The following BCAS3 variants were observed in gnomAD, a reference collection of about 807,000 sequenced individuals.
BCAS3 encodes the protein BCAS4/BCAS3 fusion.
BCAS3 carries 53 observed loss-of-function variants against 116.1 expected under a neutral mutation model. That is an observed-to-expected ratio of 0.46 (90% CI 0.37 to 0.57). The LOEUF is 0.57. BCAS3 is among the 20% of genes least tolerant of loss of function. BCAS3 has a pLI of 0.00. For synonymous variants in BCAS3, 391 were observed against 408.2 expected (o/e 0.96, Z 0.51); for missense variants, 917 against 1,165.4 (o/e 0.79, Z 3.10).
intron 16 of BCAS3, among the ~76,000 whole-genome samples, chr17:61,031,711 G>A (rs1361176838): frequency 7.2e-5 from 11 of 152,050 alleles, no homozygotes; most frequent in Admixed American, 7.2e-4. Flanking sequence ...ACTATGTTAT[G>A]TAGCAGATAG....
rs1270085909 is a variant in BCAS3, at chr17:61,007,089, T to G, written c.1487-8662T>G. Among the ~76,000 whole-genome samples the G allele has an allele frequency of 6.6e-6, 1 of 152,020 alleles. No homozygotes were observed. The highest frequency in any genetic ancestry group is 2.4e-5 in the African/African-American group (1 of 41,416). On this transcript the variant is annotated intron_variant, in intron 15 of 23. Coordinates refer to ENST00000407086, the MANE Select transcript of BCAS3 (RefSeq NM_017679.5). The surrounding 1 kb of genome is among the most constrained non-coding windows in gnomAD (Gnocchi z 4.3). ...AGATTTTGTTCATTTAACTTACAAG[T>G]TTGGGTTGACTCTGTGATTGAAACT...
At position 61,343,495 on chromosome 17, in the gene BCAS3, C is replaced by T. The variant is rs937245300; in HGVS notation, c.2426-24832C>T. Among the ~76,000 whole-genome samples, 6 of 152,212 alleles carry T rather than the reference C, an allele frequency of 3.9e-5. No individual in the cohort carries two copies. The highest frequency in any genetic ancestry group is 1.5e-5 in the Non-Finnish European group (1 of 68,036). On this transcript the variant is annotated intron_variant, in intron 22 of 23. Coordinates refer to ENST00000407086, the MANE Select transcript of BCAS3 (RefSeq NM_017679.5). This position sits in a 1 kb window ranked among gnomAD's most constrained non-coding sequence, Gnocchi z 5.5. ...CAGATGCCCAGGCCCCAAACTTTTG[C>T]CCCAGAAGTTCTGACTCTAGTCTGG... is the stretch of plus-strand genomic sequence containing the variant.
rs1397147544 is a variant in BCAS3, at chr17:61,315,068, AG to A, written c.2426-53255del. Among the ~76,000 whole-genome samples, 2 of 152,080 alleles carry A rather than the reference AG, an allele frequency of 1.3e-5. No individual in the cohort carries two copies. The highest frequency in any genetic ancestry group is 6.6e-5 in the Admixed American group (1 of 15,266). On this transcript the variant is annotated intron_variant, in intron 22 of 23. Transcript: ENST00000407086. This position sits in a 1 kb window ranked among gnomAD's most constrained non-coding sequence, Gnocchi z 5.3. ...CCTTGAATCCTCTCCCCAGCATTCC[AG>A]GGGCAGTCTCCTCCACACGCCACAC... is the stretch of plus-strand genomic sequence containing the variant.
chr17:61,069,834 T>TAAAA (rs746344496), intron 19 of BCAS3: 67 of 606,914 alleles, frequency 1.1e-4, no homozygotes, highest in African/African-American at 7.2e-4. Flanking sequence ...AGACCCTGTG[T>TAAAA]AAAAAAAAAA....
rs1014154058 is a variant in BCAS3 at position 61,258,535 on chromosome 17, C to T, written c.2426-109792C>T. Among the ~76,000 whole-genome samples, 5 of 152,318 alleles carry T rather than the reference C, an allele frequency of 3.3e-5. No homozygotes were observed. Among genetic ancestry groups the T allele is most frequent in the South Asian group, 2.1e-4 (1 of 4,824 alleles). On this transcript the variant is annotated intron_variant, in intron 22 of 23. Coordinates refer to ENST00000407086, the MANE Select transcript of BCAS3 (RefSeq NM_017679.5). The surrounding 1 kb of genome is among the most constrained non-coding windows in gnomAD (Gnocchi z 4.7). The stretch of plus-strand genomic sequence containing the variant: ...AATAATCATACCTACTTCATGGTAT[C>T]GTTGTGTGGATTAAATGAAATTGCA...
chr17:61,121,412 G>T (rs1305189020), intron 22 of BCAS3, among the ~76,000 whole-genome samples: 1 of 152,094 alleles, frequency 6.6e-6, no homozygotes, highest in Non-Finnish European at 1.5e-5. Context: ...AAATATACCT[G>T]TTAACATTTC....
rs1167177373 is a variant in BCAS3 at position 61,213,062 on chromosome 17, G to T, written c.2425+128498G>T. Among the ~76,000 whole-genome samples, 1 of 152,170 alleles carries T rather than the reference G, an allele frequency of 6.6e-6. No homozygotes were observed. Among genetic ancestry groups the T allele is most frequent in the African/African-American group, 2.4e-5 (1 of 41,446 alleles). ...GATAGTTCTTTGGGGCAGGACCCAT[G>T]TCACACTTTTTCTGTATTCCTCAGA... On this transcript the variant is annotated intron_variant, in intron 22 of 23. Transcript: ENST00000407086. This position sits in a 1 kb window ranked among gnomAD's most constrained non-coding sequence, Gnocchi z 5.4.
rs1457050318 is a variant in BCAS3, at chr17:61,015,758, G to A, written c.1494G>A (p.Leu498=). ...TTATTTTTCTCTTTGTAGGGAAACT[G>A]AACAGCCAAGACTCCTATAACAATT... The part of the protein sequence containing the change: ...SPSGSPLHGK[L]NSQDSYNNFT... The change falls in exon 16 of 24, where the codon CTG becomes CTA. Residue 498 remains leucine (L), a synonymous_variant. Coordinates refer to ENST00000407086, the MANE Select transcript of BCAS3 (RefSeq NM_017679.5). 6.2e-7 allele frequency: 1 copy of A among 1,613,914 alleles called. No homozygotes were observed. Among genetic ancestry groups the A allele is most frequent in the East Asian group, 2.2e-5 (1 of 44,874 alleles).
Position 60,724,010 on chromosome 17 carries a change from G to A in BCAS3, c.321+14685G>A, listed in dbSNP as rs1415491470. 1.1e-4 allele frequency among the ~76,000 whole-genome samples: 17 copies of A among 150,694 alleles called. 1 individual carries two copies. The highest frequency in any genetic ancestry group is 1.3e-4 in the Admixed American group (2 of 15,090). On this transcript the variant is annotated intron_variant, in intron 5 of 23. Coordinates refer to ENST00000407086, the MANE Select transcript of BCAS3 (RefSeq NM_017679.5). ...GCTGAGATTACAGGCGTGAGCCACC[G>A]TGCCCGGCCTACTTTTTCACTTTCT...
At chr17:61,086,346 G>C (rs1167293332) in intron 22 of BCAS3, among the ~76,000 whole-genome samples, 2 of 152,190 alleles carry the variant, frequency 1.3e-5, no homozygotes, top group Non-Finnish European at 2.9e-5. Context: ...ACCTGCCTCA[G>C]CCTCCCAAAG....
rs1601102053 is a variant in BCAS3 at position 61,084,702 on chromosome 17, G to A, written c.2425+138G>A. 2 of 722,630 alleles carry A rather than the reference G, an allele frequency of 2.8e-6. No individual in the cohort carries two copies. Among genetic ancestry groups the A allele is most frequent in the Non-Finnish European group, 2.4e-6 (1 of 419,592 alleles). 44.8% of individuals were successfully genotyped at this position (722,630 alleles called of 1,614,324 possible). On this transcript the variant is annotated intron_variant, in intron 22 of 23. Coordinates refer to ENST00000407086, the MANE Select transcript of BCAS3 (RefSeq NM_017679.5). This position sits in a 1 kb window ranked among gnomAD's most constrained non-coding sequence, Gnocchi z 5.5. ...TGTGGTGTGTGTGCATTTTAATACA[G>A]TACTGTGCCTATATTTCTTGCTGAA...
intron 7 of BCAS3, chr17:60,811,433 AC>A: frequency 1.7e-6 from 1 of 604,212 alleles, no homozygotes; most frequent in Non-Finnish European, 3.0e-6. Flanking sequence ...GGTGTCTGAG[AC>A]CAGCGACATC....
chr17:61,191,378 A>T (rs959097111), intron 22 of BCAS3, among the ~76,000 whole-genome samples: 1 of 152,252 alleles, frequency 6.6e-6, no homozygotes, highest in African/African-American at 2.4e-5. Context: ...CAATTAAAAA[A>T]TTTAAGATCC....
intron 22 of BCAS3, among the ~76,000 whole-genome samples, chr17:61,089,271 C>CT (rs1306550100): frequency 6.6e-6 from 1 of 151,908 alleles, no homozygotes; most frequent in African/African-American, 2.4e-5. Flanking sequence ...TTTATGCCTA[C>CT]TTTATGTATT....
intron 16 of BCAS3, chr17:61,027,440 C>G: frequency 2.3e-6 from 1 of 431,800 alleles, no homozygotes; most frequent in Non-Finnish European, 4.6e-6. Context: ...CATAAAACCT[C>G]CTAAATAATT....
intron 22 of BCAS3, among the ~76,000 whole-genome samples, chr17:61,321,125 T>TG (rs1422345872): frequency 6.6e-6 from 1 of 151,672 alleles, no homozygotes; most frequent in African/African-American, 2.4e-5. Flanking sequence ...TTTGGCCTTC[T>TG]TTTTTTTTCT....
rs892422164 is a variant in BCAS3 at position 61,019,166 on chromosome 17, G to C, written c.1637+3265G>C. ...CAGGAGGTGAACAACAGGCGAGTGA[G>C]CATCACCGCCTGAGCTCTGCCTCCT... is the stretch of plus-strand genomic sequence containing the variant. On this transcript the variant is annotated intron_variant, in intron 16 of 23. Coordinates refer to ENST00000407086, the MANE Select transcript of BCAS3 (RefSeq NM_017679.5). The surrounding 1 kb of genome is among the most constrained non-coding windows in gnomAD (Gnocchi z 5.6). Among the ~76,000 whole-genome samples the C allele has an allele frequency of 3.3e-5, 5 of 152,196 alleles. No homozygotes were observed. The highest frequency in any genetic ancestry group is 4.8e-5 in the African/African-American group (2 of 41,444).
chr17:61,362,101 G>A lies in BCAS3; in HGVS notation c.2426-6226G>A, dbSNP rs2058481101. On this transcript the variant is annotated intron_variant, in intron 22 of 23. Coordinates refer to ENST00000407086, the MANE Select transcript of BCAS3 (RefSeq NM_017679.5). This position sits in a 1 kb window ranked among gnomAD's most constrained non-coding sequence, Gnocchi z 4.4. The stretch of plus-strand genomic sequence containing the variant: ...GAAATTGACCATTGCACCAAGAAGA[G>A]CTAATGTCCTCAGCCTGTGCTTATG... 6.6e-6 allele frequency among the ~76,000 whole-genome samples: 1 copy of A among 152,208 alleles called. No homozygotes were observed. The highest frequency in any genetic ancestry group is 6.5e-5 in the Admixed American group (1 of 15,284).
Position 61,354,348 on chromosome 17 carries a change from A to T in BCAS3, c.2426-13979A>T, listed in dbSNP as rs1438135823. On this transcript the variant is annotated intron_variant, in intron 22 of 23. Transcript: ENST00000407086. The surrounding 1 kb of genome is among the most constrained non-coding windows in gnomAD (Gnocchi z 4.5). Reference sequence around the variant, plus strand: ...AAAATATGTGAGATTTTCATGAGAGACTTCCTGTTCCAGTGGACTCTTCCA... The same window carrying T: ...AAAATATGTGAGATTTTCATGAGAGTCTTCCTGTTCCAGTGGACTCTTCCA... The T allele has an allele frequency of 6.6e-6, 1 of 152,186 alleles. No individual in the cohort carries two copies. Among genetic ancestry groups the T allele is most frequent in the African/African-American group, 2.4e-5 (1 of 41,450 alleles). The allele number at this position is 152,186 out of a possible 1,614,324, so 9.4% of individuals were successfully genotyped here.
Sources: gnomAD v4.1 joint callset for allele counts (sites outside exome capture counted in the v4.1 genomes callset) on GRCh38, gnomAD v4.1.1 for gene constraint, Gnocchi (gnomAD v3.1) non-coding constraint, MANE v1.5 for transcripts, NCBI Gene and HGNC (gene_info 2026-07-23, HGNC 2026-07-21) for gene names.